The following PLCXD3 variants were observed in gnomAD, a reference collection of about 807,000 sequenced individuals.
PLCXD3 encodes phosphatidylinositol specific phospholipase C X domain containing 3.
PLCXD3 carries 19 observed loss-of-function variants against 25.5 expected under a neutral mutation model. The ratio of observed to expected loss-of-function variants is 0.75; its 90% CI spans 0.52 to 1.09. PLCXD3 has a LOEUF of 1.09. Ranked by LOEUF, PLCXD3 falls within the 50% of genes least tolerant of loss-of-function variation. The pLI is 0.00. For missense variants in PLCXD3, 411 were observed against 388.1 expected, an observed-to-expected ratio of 1.06 and a Z score of -0.50; for synonymous variants, 174 against 137.6, an observed-to-expected ratio of 1.26 and a Z score of -1.85.
At chr5:41,404,560 T>C (rs763705381) in intron 1 of PLCXD3, among the ~76,000 whole-genome samples, 12 of 152,184 alleles carry the variant, frequency 7.9e-5, no homozygotes, top group Non-Finnish European at 1.6e-4. Flanking sequence ...TCTAAGATTT[T>C]ATAAATATGG....
chr5:41,404,212 C>A (rs904188312), intron 1 of PLCXD3, among the ~76,000 whole-genome samples: 9 of 152,122 alleles, frequency 5.9e-5, no homozygotes, highest in African/African-American at 1.4e-4. Flanking sequence ...GATCATCAAA[C>A]CTTCTAGCTC....
At chr5:41,327,387 T>A (rs1008049455) in intron 2 of PLCXD3, among the ~76,000 whole-genome samples, 3 of 150,776 alleles carry the variant, frequency 2.0e-5, no homozygotes, top group South Asian at 4.2e-4. Flanking sequence ...AAGAAATTTT[T>A]AAAAAATTTT....
chr5:41,490,822 T>C (rs1399384208), intron 1 of PLCXD3, among the ~76,000 whole-genome samples: 2 of 152,228 alleles, frequency 1.3e-5, no homozygotes, highest in Non-Finnish European at 2.9e-5. Flanking sequence ...GATTCTTCTC[T>C]CTTTTCTTCT....
intron 1 of PLCXD3, among the ~76,000 whole-genome samples, chr5:41,463,693 T>C (rs1747945932): frequency 6.6e-6 from 1 of 152,020 alleles, no homozygotes; most frequent in African/African-American, 2.4e-5. Flanking sequence ...TCCCCAGCAC[T>C]AAATTACCAT....
chr5:41,313,388 C>A lies in PLCXD3; in HGVS notation c.*229G>T. The stretch of plus-strand genomic sequence containing the variant: ...AGTTACTGGTCTTTTTTTTTTATTC[C>A]TAACACTAGAAGTAGATTTTGCTCA... On this transcript the variant is annotated 3_prime_UTR_variant, in exon 3 of 3. Coordinates refer to ENST00000377801, the MANE Select transcript of PLCXD3 (RefSeq NM_001005473.3). 2 of 440,496 alleles carry A rather than the reference C, an allele frequency of 4.5e-6. No individual in the cohort carries two copies. Among genetic ancestry groups the A allele is most frequent in the Non-Finnish European group, 7.9e-6 (2 of 251,650 alleles). 27.3% of individuals were successfully genotyped at this position (440,496 alleles called of 1,614,324 possible). A position where few individuals can be genotyped will look rare whatever the true frequency, so the allele number is the denominator to read the frequency against.
At chr5:41,313,975 C>T (rs947028166) in intron 2 of PLCXD3, among the ~76,000 whole-genome samples, 3 of 152,018 alleles carry the variant, frequency 2.0e-5, no homozygotes, top group African/African-American at 2.4e-5. Flanking sequence ...TATATTGATC[C>T]GTATTGGAGT....
At position 41,313,604 on chromosome 5, in the gene PLCXD3, C is replaced by G; in HGVS notation, c.*13G>C. 3 of 1,613,570 alleles carry G rather than the reference C, an allele frequency of 1.9e-6. 1 individual carries two copies. The East Asian group carries it at 6.7e-5, about 36-fold the overall frequency. ...TTTCTCCATCTTATTCATGGAAACTCCAAGTAGTGCTATCAAGTGTTGGCT... is the reference window on the plus strand; with the variant it reads ...TTTCTCCATCTTATTCATGGAAACTGCAAGTAGTGCTATCAAGTGTTGGCT... On this transcript the variant is annotated 3_prime_UTR_variant, in exon 3 of 3. Coordinates refer to ENST00000377801, the MANE Select transcript of PLCXD3 (RefSeq NM_001005473.3).
intron 2 of PLCXD3, among the ~76,000 whole-genome samples, chr5:41,360,692 G>T (rs2150484887): frequency 6.6e-6 from 1 of 152,350 alleles, no homozygotes; most frequent in South Asian, 2.1e-4. Context: ...TGTCTGCAAA[G>T]AGTCTTGTGA....
At chr5:41,315,575 A>C (rs1384181454) in intron 2 of PLCXD3, among the ~76,000 whole-genome samples, 1 of 152,190 alleles carries the variant, frequency 6.6e-6, no homozygotes. Flanking sequence ...AGCAAAAAAC[A>C]CCTTTATAAG....
chr5:41,510,378 G>T (rs761893066), intron 1 of PLCXD3, 46 bp downstream of exon 1: 1 of 1,505,166 alleles, frequency 6.6e-7, no homozygotes, highest in Non-Finnish European at 9.1e-7. Context: ...GGCGGGGCAG[G>T]TGGAGCGGGC....
chr5:41,399,959 C>T (rs1332993438), intron 1 of PLCXD3, among the ~76,000 whole-genome samples: 2 of 151,958 alleles, frequency 1.3e-5, no homozygotes, highest in Non-Finnish European at 2.9e-5. Context: ...AGATTGATAA[C>T]CAGAATATAT....
At chr5:41,374,330 G>C (rs1745215442) in intron 2 of PLCXD3, among the ~76,000 whole-genome samples, 1 of 152,116 alleles carries the variant, frequency 6.6e-6, no homozygotes, top group South Asian at 2.1e-4. Flanking sequence ...AGTTTGCCAA[G>C]TCCTAGGCTG....
intron 1 of PLCXD3, among the ~76,000 whole-genome samples, chr5:41,503,676 T>C (rs1183893324): frequency 6.6e-6 from 1 of 152,202 alleles, no homozygotes; most frequent in Non-Finnish European, 1.5e-5. Context: ...AATTTTTCAC[T>C]CACTTTTCCC....
chr5:41,423,357 G>T (rs1746873975), intron 1 of PLCXD3, among the ~76,000 whole-genome samples: 3 of 151,974 alleles, frequency 2.0e-5, no homozygotes, highest in Admixed American at 6.5e-5. Flanking sequence ...GCTTCTAGTT[G>T]AGTCATTTTC....
chr5:41,407,510 A>G (rs539539895), intron 1 of PLCXD3, among the ~76,000 whole-genome samples: 4 of 152,194 alleles, frequency 2.6e-5, no homozygotes, highest in Non-Finnish European at 4.4e-5. Flanking sequence ...AAGACCAGCC[A>G]TTGAGCAGAA....
chr5:41,334,043 A>G (rs1325338234), intron 2 of PLCXD3, among the ~76,000 whole-genome samples: 1 of 152,214 alleles, frequency 6.6e-6, no homozygotes, highest in East Asian at 1.9e-4. Flanking sequence ...TGCTGAGGAC[A>G]CAATGGTGAT....
At chr5:41,323,184 T>G (rs764803570) in intron 2 of PLCXD3, among the ~76,000 whole-genome samples, 3 of 149,660 alleles carry the variant, frequency 2.0e-5, no homozygotes, top group African/African-American at 4.9e-5. Flanking sequence ...ATTGAACTCA[T>G]GGACACAGAG....
intron 2 of PLCXD3, among the ~76,000 whole-genome samples, chr5:41,354,948 G>A (rs1300547394): frequency 6.6e-6 from 1 of 152,132 alleles, no homozygotes; most frequent in Non-Finnish European, 1.5e-5. Context: ...AATTCCAAAT[G>A]CCACATTACA....
intron 1 of PLCXD3, among the ~76,000 whole-genome samples, chr5:41,471,968 TTTC>T (rs1748177173): frequency 9.7e-6 from 1 of 103,578 alleles, no homozygotes; most frequent in African/African-American, 3.8e-5. Context: ...TTCCCTTCCC[TTTC>T]TCCCTCCCTC....
Sources: gnomAD v4.1 joint callset for allele counts (sites outside exome capture counted in the v4.1 genomes callset) on GRCh38, gnomAD v4.1.1 for gene constraint, MANE v1.5 for transcripts, NCBI Gene and HGNC (gene_info 2026-07-23, HGNC 2026-07-21) for gene names.